PCNT: variants seen among roughly 807,000 people sequenced by gnomAD.
The protein encoded by PCNT is pericentrin.
Under a neutral mutation model 380.4 loss-of-function variants are expected in PCNT, and 319 were observed. That is an observed-to-expected ratio of 0.84 (90% CI 0.77 to 0.92). The LOEUF is 0.92. Among genes scored for constraint, PCNT ranks in the 40% least tolerant of loss-of-function variants. PCNT has a pLI of 0.00. For synonymous variants in PCNT, 1,845 were observed against 1,735.2 expected (o/e 1.06, Z -1.57); for missense variants, 4,400 against 4,255.3 (o/e 1.03, Z -0.95).
chr21:46,394,396 C>T (rs2086138393), intron 21 of PCNT: 3 of 302,490 alleles, frequency 9.9e-6, no homozygotes, highest in African/African-American at 2.3e-5. Flanking sequence ...AGGCCAGCAG[C>T]GTTGCCCAGA....
At position 46,445,741 on chromosome 21, in the gene PCNT, A is replaced by C. The variant is rs1228660527; in HGVS notation, c.*414A>C. ...AAACAAAACAACTCAAAAAGGAATAAAATTTAATCACTGTTTTGTTTGTGA... is the reference window on the plus strand; with the variant it reads ...AAACAAAACAACTCAAAAAGGAATACAATTTAATCACTGTTTTGTTTGTGA... On this transcript the variant is annotated 3_prime_UTR_variant, in exon 47 of 47. Transcript: ENST00000359568. 3 of 174,122 alleles carry C rather than the reference A, an allele frequency of 1.7e-5. No individual in the cohort carries two copies. Among genetic ancestry groups the C allele is most frequent in the East Asian group, 3.0e-4 (2 of 6,558 alleles). 10.8% of individuals were successfully genotyped at this position (174,122 alleles called of 1,614,324 possible).
chr21:46,445,625 C>T lies in PCNT; in HGVS notation c.*298C>T, dbSNP rs980284328. The T allele has an allele frequency of 2.3e-6, 1 of 433,422 alleles. No homozygotes were observed. The highest frequency in any genetic ancestry group is 4.1e-6 in the Non-Finnish European group (1 of 242,908). The allele number at this position is 433,422 out of a possible 1,614,324, so 26.8% of individuals were successfully genotyped here. On this transcript the variant is annotated 3_prime_UTR_variant, in exon 47 of 47. Coordinates refer to ENST00000359568, the MANE Select transcript of PCNT (RefSeq NM_006031.6). ...TGTGCCTATCGGCAGATCCATCCTT[C>T]CTGCCTCCAAGGAGGATACACAGAG...
At chr21:46,357,941 T>C (rs2084536185) in intron 13 of PCNT, among the ~76,000 whole-genome samples, 1 of 152,256 alleles carries the variant, frequency 6.6e-6, no homozygotes, top group African/African-American at 2.4e-5. Flanking sequence ...GTGAGGACAC[T>C]GCCATGCTGT....
At chr21:46,351,659 G>A (rs2084277964) in intron 9 of PCNT, 119 bp downstream of exon 9, 2 of 737,314 alleles carry the variant, frequency 2.7e-6, no homozygotes, top group South Asian at 1.5e-5. Context: ...GGATTTACCT[G>A]TTTGACATCC....
chr21:46,356,087 G>A (rs1021911785), intron 12 of PCNT, among the ~76,000 whole-genome samples: 16 of 152,224 alleles, frequency 1.1e-4, no homozygotes, highest in African/African-American at 2.9e-4. Context: ...AGAAGGTGAC[G>A]GAGAGGAAAC....
intron 13 of PCNT, among the ~76,000 whole-genome samples, chr21:46,360,988 G>C (rs2084694702): frequency 1.3e-5 from 2 of 152,076 alleles, no homozygotes; most frequent in Non-Finnish European, 2.9e-5. Flanking sequence ...CTTTTTTCTT[G>C]TGTTTTTGGA....
intron 25 of PCNT, among the ~76,000 whole-genome samples, chr21:46,400,894 C>T (rs1043863182): frequency 2.6e-5 from 4 of 152,144 alleles, no homozygotes; most frequent in Non-Finnish European, 5.9e-5. Context: ...GACGTGTTTC[C>T]GTTCCGCTGT....
chr21:46,381,622 G>A (rs1193688723), intron 15 of PCNT, 72 bp from the exon 16 acceptor site: 41 of 1,441,402 alleles, frequency 2.8e-5, no homozygotes, highest in Non-Finnish European at 3.7e-5. Flanking sequence ...TGAATGTGCT[G>A]AATTCCGGCT....
At chr21:46,436,442 C>T (rs2053451042) in intron 39 of PCNT, among the ~76,000 whole-genome samples, 1 of 145,844 alleles carries the variant, frequency 6.9e-6, no homozygotes, top group Admixed American at 7.1e-5. Context: ...GCTCACCACC[C>T]ACAGGGTCGG....
chr21:46,357,761 A>T (rs577725931), intron 13 of PCNT, among the ~76,000 whole-genome samples: 1 of 152,298 alleles, frequency 6.6e-6, no homozygotes, highest in South Asian at 2.1e-4. Flanking sequence ...GAAACTGTCC[A>T]GGTGTCCTAA....
chr21:46,342,531 T>C (rs895312261), intron 3 of PCNT, among the ~76,000 whole-genome samples: 8 of 150,080 alleles, frequency 5.3e-5, no homozygotes, highest in African/African-American at 1.8e-4. Context: ...TCATCAATTC[T>C]TTCTTTTTTT....
intron 35 of PCNT, among the ~76,000 whole-genome samples, chr21:46,429,081 G>A (rs1029324669): frequency 1.3e-5 from 2 of 152,220 alleles, no homozygotes; most frequent in Admixed American, 1.3e-4. Context: ...CGCATGTGGG[G>A]TCAGGCGCCC....
In PCNT at chr21:46,346,769, G is replaced by C; in HGVS notation, c.747G>C (p.Ala249=). 6.3e-7 allele frequency: 1 copy of C among 1,596,946 alleles called. No individual in the cohort carries two copies. The highest frequency in any genetic ancestry group is 8.5e-7 in the Non-Finnish European group (1 of 1,173,112). Residue 249 remains alanine, a synonymous_variant, in exon 5 of 47, where the codon GCG becomes GCC. Transcript: ENST00000359568. ...SQAVHGLELE[A]LRLSLSNMHT... is the part of the protein sequence containing the mutation. ...CCGTGCATGGCCTTGAGCTGGAGGC[G>C]CTGCGCCTGAGTCTGAGCAACATGC...
intron 29 of PCNT, among the ~76,000 whole-genome samples, chr21:46,414,418 C>CCCTCCT (rs1024043087): frequency 6.7e-6 from 1 of 149,218 alleles, no homozygotes; most frequent in Non-Finnish European, 1.5e-5. Flanking sequence ...CATCTGTCCA[C>CCCTCCT]CCTCCTCCTC....
chr21:46,325,284 A>G, intron 1 of PCNT: 4 of 850,914 alleles, frequency 4.7e-6, no homozygotes, highest in Non-Finnish European at 5.7e-6. Context: ...CACGGCGGAC[A>G]GGGGACGCGG....
At position 46,363,872 on chromosome 21, in the gene PCNT, G is replaced by A. The variant is rs2084804434; in HGVS notation, c.2547G>A (p.Gly849=). ...GGGAGCCGCCCACAGCCCAGGACGGGGAGCTTGCTGCGCTCCACGTGAAGG... is the reference window on the plus strand; with the variant it reads ...GGGAGCCGCCCACAGCCCAGGACGGAGAGCTTGCTGCGCTCCACGTGAAGG... ...CGREPPTAQD[G]ELAALHVKED... Residue 849 remains glycine, a synonymous_variant, in exon 14 of 47, where the codon GGG becomes GGA. Transcript: ENST00000359568. The A allele has an allele frequency of 1.9e-6, 3 of 1,612,354 alleles. No homozygotes were observed. Among genetic ancestry groups the A allele is most frequent in the African/African-American group, 1.3e-5 (1 of 74,924 alleles).
chr21:46,340,344 A>G (rs923364401), intron 3 of PCNT, among the ~76,000 whole-genome samples: 2 of 152,182 alleles, frequency 1.3e-5, no homozygotes, highest in African/African-American at 4.8e-5. Flanking sequence ...GACACAGCCC[A>G]ATCATATCAC....
Position 46,353,251 on chromosome 21 carries a change from A to G in PCNT, c.1604A>G (p.Gln535Arg), listed in dbSNP as rs1211911579. Reference sequence around the variant, plus strand: ...TTAAGGGATGCTGAGAAAACTTACCAAGAAGACCTAACCCTGTTACAGCAG... The same window carrying G: ...TTAAGGGATGCTGAGAAAACTTACCGAGAAGACCTAACCCTGTTACAGCAG... ...KKLRDAEKTY[Q>R]EDLTLLQQRL... Residue 535 changes from glutamine to arginine, a missense_variant, in exon 10 of 47, where the codon CAA (glutamine) becomes CGA (arginine). Physicochemically the swap from Gln to Arg is conservative, Grantham distance 43 (BLOSUM62 1). Coordinates refer to ENST00000359568, the MANE Select transcript of PCNT (RefSeq NM_006031.6). 3.1e-6 allele frequency: 5 copies of G among 1,614,108 alleles called. No homozygotes were observed. Among genetic ancestry groups the G allele is most frequent in the Admixed American group, 3.3e-5 (2 of 60,024 alleles).
At position 46,412,912 on chromosome 21, in the gene PCNT, A is replaced by G. The variant is rs779966681; in HGVS notation, c.6070A>G (p.Thr2024Ala). ...GCAAGAAGGCGTGATGTCAGTGCTC[A>G]CCGTCTGCCAGAGGCAGCTGCAGTC... is the stretch of plus-strand genomic sequence containing the variant. ...CKQEGVMSVL[T>A]VCQRQLQSEL... Residue 2024 changes from threonine to alanine, a missense_variant, in exon 29 of 47, where the codon ACC (threonine) becomes GCC (alanine). Coordinates refer to ENST00000359568, the MANE Select transcript of PCNT (RefSeq NM_006031.6). 6.2e-7 allele frequency: 1 copy of G among 1,612,742 alleles called. No individual in the cohort carries two copies. The highest frequency in any genetic ancestry group is 8.5e-7 in the Non-Finnish European group (1 of 1,180,006).
Sources: gnomAD v4.1 joint callset for allele counts (sites outside exome capture counted in the v4.1 genomes callset) on GRCh38, gnomAD v4.1.1 for gene constraint, MANE v1.5 for transcripts, NCBI Gene and HGNC (gene_info 2026-07-23, HGNC 2026-07-21) for gene names.